The following SBF2 variants were observed in gnomAD, a reference collection of about 807,000 sequenced individuals.
SBF2 encodes SET binding factor 2, also known as myotubularin-related protein 13.
SBF2 carries 112 observed loss-of-function variants against 225.2 expected under a neutral mutation model. The observed-to-expected ratio is 0.50, with a 90% CI of 0.43 to 0.58. The LOEUF (loss-of-function observed/expected upper bound fraction) is 0.58, where lower values mean the gene tolerates loss of function less well. Ranked by LOEUF, SBF2 falls within the 20% of genes least tolerant of loss-of-function variation. SBF2 has a pLI of 0.00. For synonymous variants in SBF2, 763 were observed against 773.3 expected (o/e 0.99, Z 0.22); for missense variants, 1,996 against 2,206.2 (o/e 0.90, Z 1.91).
In SBF2 at chr11:10,184,944, T is replaced by A. The variant is rs187865197; in HGVS notation, c.141+8958A>T. Among the ~76,000 whole-genome samples the A allele has an allele frequency of 1.6e-4, 24 of 152,328 alleles. No individual in the cohort carries two copies. In the East Asian group the frequency reaches 4.6e-3, roughly 29 times the overall value. On this transcript the variant is annotated intron_variant, in intron 2 of 39. Coordinates refer to ENST00000256190, the MANE Select transcript of SBF2 (RefSeq NM_030962.4). ...GGTTTCACCGTGTTAGCCAGGATGG[T>A]CTCGATCTCCTAGTATTTGTGTTTT... is the stretch of plus-strand genomic sequence containing the variant.
At chr11:10,018,266 T>C (rs566159783) in intron 6 of SBF2, among the ~76,000 whole-genome samples, 1 of 152,030 alleles carries the variant, frequency 6.6e-6, no homozygotes, top group South Asian at 2.1e-4. Context: ...TAAAGAAATA[T>C]GAGACAGGCT....
chr11:9,849,526 T>A (rs569495231), intron 22 of SBF2, among the ~76,000 whole-genome samples: 1 of 152,254 alleles, frequency 6.6e-6, no homozygotes, highest in South Asian at 2.1e-4. Context: ...GTTTGGCAAG[T>A]AGAAGAGAAG....
At position 10,227,598 on chromosome 11, in the gene SBF2, T is replaced by C. The variant is rs531766658; in HGVS notation, c.56-33611A>G. 2.6e-5 allele frequency among the ~76,000 whole-genome samples: 4 copies of C among 152,372 alleles called. No individual in the cohort carries two copies. The South Asian group carries it at 8.3e-4, about 32-fold the overall frequency. On this transcript the variant is annotated intron_variant, in intron 1 of 39. Coordinates refer to ENST00000256190, the MANE Select transcript of SBF2 (RefSeq NM_030962.4). Reference sequence around the variant, plus strand: ...TAGGGAATCTGTTCCCCATTGCTTGTTTTTGTCAGGTTTGACAAAGATCAG... The same window carrying C: ...TAGGGAATCTGTTCCCCATTGCTTGCTTTTGTCAGGTTTGACAAAGATCAG...
At chr11:10,221,733 C>T (rs1294072049) in intron 1 of SBF2, among the ~76,000 whole-genome samples, 1 of 152,106 alleles carries the variant, frequency 6.6e-6, no homozygotes, top group African/African-American at 2.4e-5. Flanking sequence ...AAATCAGGCA[C>T]TGAAGAGTGA....
chr11:10,057,060 G>A (rs902133133), intron 2 of SBF2, among the ~76,000 whole-genome samples: 32 of 152,158 alleles, frequency 2.1e-4, no homozygotes, highest in African/African-American at 7.2e-4. Flanking sequence ...GCTCCCAGAG[G>A]GAGAAACACG....
chr11:10,223,399 TTATATATATATATATATATATA>T (rs3074175), intron 1 of SBF2, among the ~76,000 whole-genome samples: 29 of 59,278 alleles, frequency 4.9e-4, no homozygotes, highest in South Asian at 1.6e-3. Context: ...ATTTTGCACA[TTATATATATATATATATATATA>T]TATATATATA....
rs200550156 is a variant in SBF2 at position 10,267,464 on chromosome 11, G to GA, written c.55+26550dup. Reference sequence around the variant, plus strand: ...AAAAAGATGTGAGAAAATTTTGAGGGAAAAAAAAACAACACTTTGAAGTGA... The same window carrying GA: ...AAAAAGATGTGAGAAAATTTTGAGGGAAAAAAAAAACAACACTTTGAAGTGA... On this transcript the variant is annotated intron_variant, in intron 1 of 39. Coordinates refer to ENST00000256190, the MANE Select transcript of SBF2 (RefSeq NM_030962.4). Among the ~76,000 whole-genome samples the GA allele has an allele frequency of 6.8e-3, 1,017 of 149,892 alleles. 10 individuals carry two copies. Among genetic ancestry groups the GA allele is most frequent in the African/African-American group, 0.023 (954 of 40,852 alleles).
intron 16 of SBF2, chr11:9,929,133 CAT>C (rs1864284405): frequency 3.7e-6 from 1 of 267,962 alleles, no homozygotes. Flanking sequence ...CATCAAAGCT[CAT>C]CCTTTTACAA....
chr11:9,985,290 G>A (rs1164462861), intron 13 of SBF2, among the ~76,000 whole-genome samples: 2 of 152,088 alleles, frequency 1.3e-5, no homozygotes, highest in Non-Finnish European at 2.9e-5. Context: ...CACCAGAAGC[G>A]AGCAGGGGTA....
intron 16 of SBF2, among the ~76,000 whole-genome samples, chr11:9,933,254 A>G (rs1864634408): frequency 1.0e-5 from 1 of 97,992 alleles, no homozygotes; most frequent in Non-Finnish European, 2.9e-5. Context: ...GATCAACGAG[A>G]CAGAAGGTTA....
At chr11:10,118,098 TTA>T (rs1384305078) in intron 2 of SBF2, among the ~76,000 whole-genome samples, 1 of 152,198 alleles carries the variant, frequency 6.6e-6, no homozygotes, top group Non-Finnish European at 1.5e-5. Context: ...CCTTGATTCA[TTA>T]TTAGAATTCA....
chr11:10,067,324 T>C (rs1298308300), intron 2 of SBF2, among the ~76,000 whole-genome samples: 1 of 152,220 alleles, frequency 6.6e-6, no homozygotes, highest in African/African-American at 2.4e-5. Context: ...ACAGATTTGA[T>C]GCAATCCCAG....
chr11:10,196,866 A>ATATATTTTTTTTTTTTT, intron 1 of SBF2, among the ~76,000 whole-genome samples: 5 of 99,314 alleles, frequency 5.0e-5, no homozygotes, highest in Admixed American at 1.0e-4. Context: ...ATATATATAT[A>ATATATTTTTTTTTTTTT]TTTTTTTTTT....
intron 2 of SBF2, among the ~76,000 whole-genome samples, chr11:10,121,119 G>A (rs1591003038): frequency 6.6e-6 from 1 of 152,266 alleles, no homozygotes; most frequent in Non-Finnish European, 1.5e-5. Flanking sequence ...GGTGCGGTGT[G>A]ACATCTCATT....
At chr11:9,904,056 G>C (rs2134162745) in intron 16 of SBF2, among the ~76,000 whole-genome samples, 1 of 152,048 alleles carries the variant, frequency 6.6e-6, no homozygotes, top group African/African-American at 2.4e-5. Flanking sequence ...CTAGAGGGTG[G>C]GGGACAGCTT....
At chr11:9,856,944 C>T (rs1312759115) in intron 18 of SBF2, among the ~76,000 whole-genome samples, 3 of 152,006 alleles carry the variant, frequency 2.0e-5, no homozygotes, top group Non-Finnish European at 2.9e-5. Flanking sequence ...CCTGCCACCA[C>T]GCCCAGCTAA....
chr11:9,948,687 TG>T (rs1476443198), intron 16 of SBF2, among the ~76,000 whole-genome samples: 1 of 152,188 alleles, frequency 6.6e-6, no homozygotes. Context: ...AGGAAATATA[TG>T]TATGCATTCC....
intron 2 of SBF2, among the ~76,000 whole-genome samples, chr11:10,095,901 T>C (rs1170708406): frequency 6.6e-6 from 1 of 152,090 alleles, no homozygotes; most frequent in African/African-American, 2.4e-5. Context: ...AAAAAAGAAG[T>C]ATGCTAACAT....
intron 13 of SBF2, among the ~76,000 whole-genome samples, chr11:9,976,010 T>C (rs1349156667): frequency 6.6e-6 from 1 of 152,054 alleles, no homozygotes; most frequent in African/African-American, 2.4e-5. Flanking sequence ...GGTTCAATGC[T>C]GGGCAATGAA....
Sources: gnomAD v4.1 joint callset for allele counts (sites outside exome capture counted in the v4.1 genomes callset) on GRCh38, gnomAD v4.1.1 for gene constraint, MANE v1.5 for transcripts, NCBI Gene and HGNC (gene_info 2026-07-23, HGNC 2026-07-21) for gene names.